Variants in GRIK4 observed in about 807,000 individuals in gnomAD.
GRIK4 encodes the protein glutamate receptor ionotropic, kainate 4.
In GRIK4, 40 loss-of-function variants were observed where a neutral mutation model predicts 104.9. That is an observed-to-expected ratio of 0.38 (90% CI 0.30 to 0.50). GRIK4 has a LOEUF of 0.50. Ranked by LOEUF, GRIK4 falls within the 20% of genes least tolerant of loss-of-function variation. The pLI, the probability that GRIK4 is intolerant of heterozygous loss-of-function variation, is 0.93. For missense variants in GRIK4, 1,047 were observed against 1,308.1 expected, an observed-to-expected ratio of 0.80 and a Z score of 3.08; for synonymous variants, 485 against 524.9, an observed-to-expected ratio of 0.92 and a Z score of 1.04.
chr11:120,515,002 A>T, intron 1 of GRIK4: 1 of 456,682 alleles, frequency 2.2e-6, no homozygotes, highest in Middle Eastern at 3.3e-4. Context: ...CGCTTCTCAC[A>T]GGGGACCCTG....
chr11:120,535,441 G>C (rs1947964770), intron 1 of GRIK4, among the ~76,000 whole-genome samples: 1 of 152,036 alleles, frequency 6.6e-6, no homozygotes, highest in Non-Finnish European at 1.5e-5. Flanking sequence ...GGAGGGGGTA[G>C]GGAGCAGGCC....
chr11:120,556,950 G>A (rs142914733), intron 1 of GRIK4, among the ~76,000 whole-genome samples: 35 of 152,086 alleles, frequency 2.3e-4, no homozygotes, highest in Non-Finnish European at 3.7e-4. Context: ...TCCTGACAGC[G>A]GGCAGCTGCT....
intron 1 of GRIK4, among the ~76,000 whole-genome samples, chr11:120,520,244 C>T (rs1208840063): frequency 2.6e-5 from 4 of 152,214 alleles, no homozygotes; most frequent in African/African-American, 9.7e-5. Context: ...GGCAAGGAGG[C>T]CAATGCTCAT....
chr11:120,749,380 G>A (rs935822589), intron 3 of GRIK4, among the ~76,000 whole-genome samples: 1 of 152,178 alleles, frequency 6.6e-6, no homozygotes, highest in Non-Finnish European at 1.5e-5. Context: ...GAGGGGGCCA[G>A]CAACAGGGCC....
In GRIK4 at chr11:120,813,278, C is replaced by G. The variant is rs183495585; in HGVS notation, c.248-2100C>G. On this transcript the variant is annotated intron_variant, in intron 4 of 20. Coordinates refer to ENST00000527524, the MANE Select transcript of GRIK4 (RefSeq NM_014619.5). ...ATTAGGTGTGTGACCAGAGCGGAGG[C>G]ACTTCACGTCTCTGGGGTGCTGTGT... Among the ~76,000 whole-genome samples, 142 of 152,224 alleles carry G rather than the reference C, an allele frequency of 9.3e-4. 1 individual carries two copies. Among genetic ancestry groups the G allele is most frequent in the Middle Eastern group, 6.8e-3 (2 of 294 alleles).
At chr11:120,893,509 A>G (rs7103569) in intron 11 of GRIK4, among the ~76,000 whole-genome samples, 30,886 of 152,198 alleles carry the variant, frequency 0.2, 3,688 homozygotes, top group East Asian at 0.52. Flanking sequence ...TCTGCGAGTT[A>G]GGTAAATTAT....
At chr11:120,693,711 G>T (rs1227901175) in intron 3 of GRIK4, among the ~76,000 whole-genome samples, 2 of 152,198 alleles carry the variant, frequency 1.3e-5, no homozygotes, top group Non-Finnish European at 2.9e-5. Context: ...AGGCCTTTTG[G>T]AAGCCAGTTT....
intron 3 of GRIK4, among the ~76,000 whole-genome samples, chr11:120,781,041 C>T (rs1952146599): frequency 6.6e-6 from 1 of 152,118 alleles, no homozygotes; most frequent in Admixed American, 6.5e-5. Context: ...TGCACCTGGC[C>T]ACATTATCCG....
chr11:120,724,701 G>A (rs1218073369), intron 3 of GRIK4, among the ~76,000 whole-genome samples: 1 of 152,110 alleles, frequency 6.6e-6, no homozygotes, highest in Non-Finnish European at 1.5e-5. Flanking sequence ...TTATTTATTT[G>A]TAAATTCAGA....
intron 1 of GRIK4, among the ~76,000 whole-genome samples, chr11:120,516,403 C>T (rs12718468): frequency 0.27 from 41,441 of 151,872 alleles, 8,058 homozygotes; most frequent in African/African-American, 0.53. Flanking sequence ...GATCTGAGGA[C>T]TGGGCGCTCG....
At chr11:120,866,475 A>G (rs7115168) in intron 9 of GRIK4, among the ~76,000 whole-genome samples, 65,233 of 151,972 alleles carry the variant, frequency 0.43, 14,020 homozygotes, top group East Asian at 0.47. Context: ...TGAGGATGCC[A>G]CCCAGGGCTG....
At chr11:120,820,777 C>A (rs1953102853) in intron 6 of GRIK4, among the ~76,000 whole-genome samples, 2 of 152,210 alleles carry the variant, frequency 1.3e-5, no homozygotes, top group African/African-American at 2.4e-5. Context: ...GCTCTGCCTT[C>A]TCAAGCCCTT....
At chr11:120,686,326 T>C (rs1261987276) in intron 3 of GRIK4, among the ~76,000 whole-genome samples, 1 of 152,218 alleles carries the variant, frequency 6.6e-6, no homozygotes, top group Non-Finnish European at 1.5e-5. Flanking sequence ...AAGTCTATTA[T>C]CAACCCAATT....
intron 1 of GRIK4, among the ~76,000 whole-genome samples, chr11:120,591,404 C>A (rs1948730979): frequency 6.6e-6 from 1 of 152,098 alleles, no homozygotes; most frequent in African/African-American, 2.4e-5. Flanking sequence ...GAAGCTGATG[C>A]CTTAATAGGG....
chr11:120,758,547 C>T (rs1325353275), intron 3 of GRIK4, among the ~76,000 whole-genome samples: 1 of 152,206 alleles, frequency 6.6e-6, no homozygotes, highest in Non-Finnish European at 1.5e-5. Flanking sequence ...GCAGGGTCAG[C>T]ACTGTAACCG....
intron 1 of GRIK4, among the ~76,000 whole-genome samples, chr11:120,548,124 A>G (rs970975440): frequency 5.3e-5 from 8 of 152,152 alleles, no homozygotes; most frequent in Admixed American, 2.0e-4. Context: ...GCCCGAATCA[A>G]TTGCAGGCCT....
chr11:120,600,337 C>A (rs942729991), intron 1 of GRIK4, among the ~76,000 whole-genome samples: 10 of 152,066 alleles, frequency 6.6e-5, no homozygotes, highest in African/African-American at 2.4e-4. Flanking sequence ...GGAGTTTTTC[C>A]CCCCTCTGTC....
chr11:120,572,472 G>T (rs1948413671), intron 1 of GRIK4, among the ~76,000 whole-genome samples: 1 of 152,144 alleles, frequency 6.6e-6, no homozygotes, highest in South Asian at 2.1e-4. Flanking sequence ...AGCATGTCGA[G>T]GCGGGGAGTG....
At chr11:120,838,273 C>T (rs1395268738) in intron 8 of GRIK4, among the ~76,000 whole-genome samples, 1 of 152,154 alleles carries the variant, frequency 6.6e-6, no homozygotes, top group Non-Finnish European at 1.5e-5. Context: ...CTCTCTGAAC[C>T]ACAGTTTTCT....
Sources: allele counts gnomAD v4.1 joint callset (sites outside exome capture counted in the v4.1 genomes callset), GRCh38; gene constraint gnomAD v4.1.1; transcripts MANE v1.5; gene names NCBI Gene and HGNC (gene_info 2026-07-23, HGNC 2026-07-21).